Variants in CNTNAP4 observed in about 807,000 individuals in gnomAD.
CNTNAP4 encodes the protein contactin associated protein family member 4.
A neutral mutation model predicts 148.4 loss-of-function variants in CNTNAP4; 98 were observed. The observed-to-expected ratio is 0.66, with a 90% CI of 0.56 to 0.78. The LOEUF (loss-of-function observed/expected upper bound fraction) is 0.78. Ranked by LOEUF, CNTNAP4 falls within the 30% of genes least tolerant of loss-of-function variation. CNTNAP4 has a pLI of 0.00. For synonymous variants in CNTNAP4, 730 were observed against 565.1 expected (o/e 1.29, Z -4.14); for missense variants, 1,935 against 1,565.6 (o/e 1.24, Z -3.98).
chr16:76,396,477 A>G (rs916459456), intron 3 of CNTNAP4, among the ~76,000 whole-genome samples: 4 of 152,176 alleles, frequency 2.6e-5, no homozygotes, highest in Non-Finnish European at 5.9e-5. Flanking sequence ...ACTCATGCTA[A>G]CCAAAGAGGT....
intron 3 of CNTNAP4, among the ~76,000 whole-genome samples, chr16:76,394,908 C>T (rs1480992926): frequency 7.9e-5 from 12 of 152,202 alleles, no homozygotes; most frequent in Non-Finnish European, 1.5e-4. Flanking sequence ...GGTCATAGGT[C>T]CTGTTTACTT....
chr16:76,512,243 A>G (rs937958177), intron 15 of CNTNAP4, among the ~76,000 whole-genome samples: 1 of 152,152 alleles, frequency 6.6e-6, no homozygotes, highest in African/African-American at 2.4e-5. Context: ...ATTGGAGAAC[A>G]TTAGAGACTT....
At chr16:76,476,611 A>G (rs540595829) in intron 11 of CNTNAP4, among the ~76,000 whole-genome samples, 20 of 152,324 alleles carry the variant, frequency 1.3e-4, no homozygotes, top group African/African-American at 4.8e-4. Flanking sequence ...TTCAAGATCA[A>G]GATGCCAGCA....
chr16:76,370,581 C>G (rs1190226963), intron 3 of CNTNAP4, among the ~76,000 whole-genome samples: 4 of 152,196 alleles, frequency 2.6e-5, no homozygotes, highest in African/African-American at 7.2e-5. Context: ...GCCTGGGACA[C>G]AGTCCACGTC....
At chr16:76,337,663 G>T (rs1355408081) in intron 2 of CNTNAP4, among the ~76,000 whole-genome samples, 1 of 152,122 alleles carries the variant, frequency 6.6e-6, no homozygotes, top group Non-Finnish European at 1.5e-5. Flanking sequence ...AATTCACCAG[G>T]CTGGAATTTC....
chr16:76,494,920 T>G lies in CNTNAP4; in HGVS notation c.2091T>G (p.Pro697=). The stretch of plus-strand genomic sequence containing the variant: ...ACGTTTTTCTTTCAGATGGAACCCC[T>G]CTGAGTTGGTGGGTAGGAAGAACCA... The part of the protein sequence containing the change: ...SRLVNKQDGT[P]LSWWVGRTNE... Residue 697 remains proline (P), a synonymous_variant, in exon 14 of 24, where the codon CCT becomes CCG. Coordinates refer to ENST00000611870, the MANE Select transcript of CNTNAP4 (RefSeq NM_033401.5). The G allele has an allele frequency of 1.2e-6, 2 of 1,613,318 alleles. No homozygotes were observed. The highest frequency in any genetic ancestry group is 1.7e-6 in the Non-Finnish European group (2 of 1,179,436).
At chr16:76,535,501 A>T in intron 17 of CNTNAP4, 44 bp from the exon 18 acceptor site, 1 of 1,599,020 alleles carries the variant, frequency 6.3e-7, no homozygotes, top group Non-Finnish European at 8.5e-7. Flanking sequence ...ACCCTGAATA[A>T]AACACCTAGG....
rs139531740 is a variant in CNTNAP4, at chr16:76,378,832, G to A, written c.390+23321G>A. On this transcript the variant is annotated intron_variant, in intron 3 of 23. Coordinates refer to ENST00000611870, the MANE Select transcript of CNTNAP4 (RefSeq NM_033401.5). ...GGCCCAGCTGTTCTCACCTAGGGTC[G>A]GCCAAGAGGAGGCCTGTGCATCAAG... Among the ~76,000 whole-genome samples the A allele has an allele frequency of 1.6e-4, 25 of 152,270 alleles. No individual in the cohort carries two copies. The East Asian group carries it at 4.1e-3, about 25-fold the overall frequency.
At chr16:76,403,137 G>A (rs2078477788) in intron 3 of CNTNAP4, among the ~76,000 whole-genome samples, 1 of 151,410 alleles carries the variant, frequency 6.6e-6, no homozygotes, top group Non-Finnish European at 1.5e-5. Context: ...CTGTCTCCGG[G>A]GCTGGAGTGC....
chr16:76,286,675 G>A (rs771366707), intron 1 of CNTNAP4, among the ~76,000 whole-genome samples: 4 of 152,036 alleles, frequency 2.6e-5, no homozygotes, highest in Non-Finnish European at 5.9e-5. Flanking sequence ...AAAGTGATAC[G>A]GGTGGCAAGA....
chr16:76,504,178 C>G (rs781054423), intron 15 of CNTNAP4, among the ~76,000 whole-genome samples: 3 of 151,760 alleles, frequency 2.0e-5, no homozygotes, highest in Non-Finnish European at 4.4e-5. Context: ...TTGAGATACA[C>G]TACTAGATTA....
chr16:76,529,505 T>C (rs2083881148), intron 17 of CNTNAP4, among the ~76,000 whole-genome samples: 1 of 152,208 alleles, frequency 6.6e-6, no homozygotes, highest in Non-Finnish European at 1.5e-5. Flanking sequence ...ATTTTCTATT[T>C]TGGTTTGTAA....
At chr16:76,307,748 A>G in intron 1 of CNTNAP4, among the ~76,000 whole-genome samples, 1 of 152,032 alleles carries the variant, frequency 6.6e-6, no homozygotes, top group Non-Finnish European at 1.5e-5. Context: ...TCTTTGTCTT[A>G]ATATCTGGAC....
At chr16:76,517,384 G>A (rs971088763) in intron 15 of CNTNAP4, among the ~76,000 whole-genome samples, 2 of 152,124 alleles carry the variant, frequency 1.3e-5, no homozygotes, top group Admixed American at 6.5e-5. Flanking sequence ...GAATCTTTCT[G>A]TGTTATTTCT....
chr16:76,421,075 C>A (rs4243120), intron 3 of CNTNAP4, among the ~76,000 whole-genome samples: 119,153 of 151,724 alleles, frequency 0.79, 47,195 homozygotes, highest in Non-Finnish European at 0.84. Flanking sequence ...TGCATCTTTC[C>A]TGTGCTTTTT....
intron 3 of CNTNAP4, among the ~76,000 whole-genome samples, chr16:76,365,730 G>A (rs1233239550): frequency 1.5e-5 from 2 of 136,124 alleles, no homozygotes; most frequent in African/African-American, 2.8e-5. Flanking sequence ...CCTTCCTGGG[G>A]GACAGAGTGA....
intron 3 of CNTNAP4, among the ~76,000 whole-genome samples, chr16:76,402,685 G>T (rs964022083): frequency 4.6e-5 from 7 of 152,010 alleles, no homozygotes; most frequent in South Asian, 4.2e-4. Context: ...TCTTGATGGG[G>T]CATTGAGTGC....
rs149676107 is a variant in CNTNAP4 at position 76,519,566 on chromosome 16, C to T, written c.2366-1574C>T. Among the ~76,000 whole-genome samples, 6 of 152,300 alleles carry T rather than the reference C, an allele frequency of 3.9e-5. No homozygotes were observed. In the East Asian group the frequency reaches 1.2e-3, roughly 29 times the overall value. ...GTATAACATTTAAACAAAAAGGCAT[C>T]TAATTCCTTCTGAAAACAGATCAGC... is the stretch of plus-strand genomic sequence containing the variant. On this transcript the variant is annotated intron_variant, in intron 15 of 23. Coordinates refer to ENST00000611870, the MANE Select transcript of CNTNAP4 (RefSeq NM_033401.5).
chr16:76,524,974 A>G (rs889395801), intron 17 of CNTNAP4, among the ~76,000 whole-genome samples: 4 of 148,892 alleles, frequency 2.7e-5, no homozygotes, highest in East Asian at 2.0e-4. Context: ...CATAAAAAAG[A>G]AAAAAAAAAC....
Sources: gnomAD v4.1 joint callset for allele counts (sites outside exome capture counted in the v4.1 genomes callset) on GRCh38, gnomAD v4.1.1 for gene constraint, MANE v1.5 for transcripts, NCBI Gene and HGNC (gene_info 2026-07-23, HGNC 2026-07-21) for gene names.